MYO10: variants seen among roughly 807,000 people sequenced by gnomAD.
MYO10 encodes the protein unconventional myosin-X.
A neutral mutation model predicts 257.3 loss-of-function variants in MYO10; 133 were observed. The ratio of observed to expected loss-of-function variants is 0.52; its 90% CI spans 0.45 to 0.60. MYO10 has a LOEUF of 0.60. Ranked by LOEUF, MYO10 falls within the 20% of genes least tolerant of loss-of-function variation. MYO10 has a pLI of 0.00. For missense variants in MYO10, 2,399 were observed against 2,635.7 expected (o/e 0.91, Z 1.97); for synonymous variants, 1,104 against 1,028.6 (o/e 1.07, Z -1.40).
At chr5:16,849,721 T>C (rs923631491) in intron 2 of MYO10, among the ~76,000 whole-genome samples, 3 of 152,226 alleles carry the variant, frequency 2.0e-5, no homozygotes, top group Admixed American at 1.3e-4. Context: ...TTTCAGGAGA[T>C]ACTTGTTCGC....
In MYO10 at chr5:16,666,596, C is replaced by T. The variant is rs997369812; in HGVS notation, c.*96G>A. The T allele has an allele frequency of 9.7e-7, 1 of 1,026,596 alleles. No homozygotes were observed. Among genetic ancestry groups the T allele is most frequent in the Non-Finnish European group, 1.4e-6 (1 of 710,802 alleles). The allele number at this position is 1,026,596 out of a possible 1,614,324, so 63.6% of individuals were successfully genotyped here. Reference sequence around the variant, plus strand: ...AAGCTTCCAGAAAGCCTGGGCAGCTCTGTGTTTGTTTTGGCTGGGCATGGC... The same window carrying T: ...AAGCTTCCAGAAAGCCTGGGCAGCTTTGTGTTTGTTTTGGCTGGGCATGGC... On this transcript the variant is annotated 3_prime_UTR_variant, in exon 41 of 41. Coordinates refer to ENST00000513610, the MANE Select transcript of MYO10 (RefSeq NM_012334.3).
At chr5:16,931,839 G>T (rs908388873) in intron 1 of MYO10, among the ~76,000 whole-genome samples, 29 of 152,154 alleles carry the variant, frequency 1.9e-4, no homozygotes, top group Admixed American at 5.9e-4. Flanking sequence ...CATATCGAGG[G>T]TGAGGAGAGA....
chr5:16,783,045 G>A (rs551202056), intron 5 of MYO10, among the ~76,000 whole-genome samples: 39 of 152,128 alleles, frequency 2.6e-4, no homozygotes, highest in African/African-American at 9.4e-4. Flanking sequence ...TGATGCAGGT[G>A]CTTCAAAAAC....
chr5:16,753,837 G>A (rs1269567125), intron 19 of MYO10, among the ~76,000 whole-genome samples: 1 of 152,114 alleles, frequency 6.6e-6, no homozygotes, highest in Non-Finnish European at 1.5e-5. Context: ...TTAAGCCAAA[G>A]GCAACTGGTT....
chr5:16,866,363 C>T (rs34875944), intron 2 of MYO10, among the ~76,000 whole-genome samples: 24,989 of 152,090 alleles, frequency 0.16, 2,254 homozygotes, highest in African/African-American at 0.22. Flanking sequence ...AGAAGAGTCA[C>T]CAGAAAAATC....
At chr5:16,715,113 A>ATT (rs1222008294) in intron 19 of MYO10, among the ~76,000 whole-genome samples, 4 of 142,332 alleles carry the variant, frequency 2.8e-5, no homozygotes, top group Non-Finnish European at 3.0e-5. Flanking sequence ...TTAAAAAAAA[A>ATT]TTTTTTAAAA....
chr5:16,728,149 G>A (rs1292230129), intron 19 of MYO10, among the ~76,000 whole-genome samples: 1 of 152,134 alleles, frequency 6.6e-6, no homozygotes, highest in Non-Finnish European at 1.5e-5. Flanking sequence ...TCTGGTTTCT[G>A]CCTCCTGGCT....
Position 16,670,611 on chromosome 5 carries a change from C to T in MYO10, c.5798G>A (p.Gly1933Glu), listed in dbSNP as rs1736403493. The change falls in exon 39 of 41, where the codon GGA (glycine) becomes GAA (glutamate). Residue 1933 changes from glycine to glutamate, a missense_variant. Gly to Glu is a moderately conservative substitution (Grantham distance 98). Around this residue, in one of 3 missense-constraint regions of MYO10, gnomAD observed 1,820 missense variants for 1,939.4 expected, o/e 0.94. Transcript: ENST00000513610. The stretch of plus-strand genomic sequence containing the variant: ...GGCCATGGCCTGTTCCTGGTTCATT[C>T]CCTGAAATTTCCTCCACTTGTCAAT... ...SIIDKWRKFQGMNQEQAMAKY... is the reference protein window; with the variant it reads ...SIIDKWRKFQEMNQEQAMAKY... The T allele has an allele frequency of 6.2e-7, 1 of 1,613,884 alleles. No homozygotes were observed.
In MYO10 at chr5:16,666,527, G is replaced by C. The variant is rs559739801; in HGVS notation, c.*165C>G. On this transcript the variant is annotated 3_prime_UTR_variant, in exon 41 of 41. Transcript: ENST00000513610. ...GACAGCTTAATACAGGATCAATGAAGGCGGCAGGCAAAAGGATCCTCGGAG... is the reference window on the plus strand; with the variant it reads ...GACAGCTTAATACAGGATCAATGAACGCGGCAGGCAAAAGGATCCTCGGAG... The C allele has an allele frequency of 3.9e-5, 23 of 592,942 alleles. No individual in the cohort carries two copies. Among genetic ancestry groups the C allele is most frequent in the Non-Finnish European group, 6.9e-5 (23 of 335,566 alleles). 36.7% of individuals were successfully genotyped at this position (592,942 alleles called of 1,614,324 possible). A position where few individuals can be genotyped will look rare whatever the true frequency, so the allele number is the denominator to read the frequency against.
chr5:16,781,613 T>G, intron 6 of MYO10, 92 bp downstream of exon 6: 1 of 1,288,072 alleles, frequency 7.8e-7, no homozygotes, highest in Non-Finnish European at 1.1e-6. Flanking sequence ...GAAAGAAATG[T>G]TTCACATTCT....
intron 2 of MYO10, among the ~76,000 whole-genome samples, chr5:16,843,432 G>A (rs999162542): frequency 1.5e-5 from 2 of 134,720 alleles, no homozygotes; most frequent in African/African-American, 3.1e-5. Context: ...CTCTGGCAAG[G>A]TGATATTCTT....
intron 19 of MYO10, among the ~76,000 whole-genome samples, chr5:16,725,569 A>C (rs1211807341): frequency 6.6e-6 from 1 of 152,210 alleles, no homozygotes; most frequent in Non-Finnish European, 1.5e-5. Context: ...TGTGATATAC[A>C]TTTTTAAAAA....
intron 1 of MYO10, among the ~76,000 whole-genome samples, chr5:16,881,127 G>A (rs1196900294): frequency 6.6e-6 from 1 of 152,188 alleles, no homozygotes; most frequent in African/African-American, 2.4e-5. Flanking sequence ...AAAGCTTTCT[G>A]TGTATTGTGA....
intron 2 of MYO10, among the ~76,000 whole-genome samples, chr5:16,834,470 G>C (rs1400328494): frequency 6.6e-6 from 1 of 152,094 alleles, no homozygotes; most frequent in Non-Finnish European, 1.5e-5. Flanking sequence ...CAATCTGTGG[G>C]GACCAGGACT....
intron 1 of MYO10, among the ~76,000 whole-genome samples, chr5:16,898,995 C>T (rs905300875): frequency 2.8e-5 from 4 of 144,900 alleles, no homozygotes; most frequent in East Asian, 2.2e-4. Flanking sequence ...ATTAGCTGGG[C>T]ATGGCGGTGG....
chr5:16,820,766 T>C (rs954771721), intron 2 of MYO10, among the ~76,000 whole-genome samples: 6 of 151,972 alleles, frequency 3.9e-5, no homozygotes, highest in African/African-American at 1.4e-4. Context: ...GAAATAATCA[T>C]ACATAATACT....
chr5:16,787,436 G>A (rs1384441207), intron 4 of MYO10, among the ~76,000 whole-genome samples: 1 of 152,056 alleles, frequency 6.6e-6, no homozygotes, highest in Non-Finnish European at 1.5e-5. Flanking sequence ...GTACATTTCT[G>A]TCTAACCCGT....
At chr5:16,804,918 A>G (rs1742227197) in intron 3 of MYO10, among the ~76,000 whole-genome samples, 1 of 152,114 alleles carries the variant, frequency 6.6e-6, no homozygotes, top group Non-Finnish European at 1.5e-5. Context: ...CTCAAAAAAA[A>G]TTATTTGAAA....
chr5:16,681,654 G>A (rs917563324), intron 31 of MYO10, among the ~76,000 whole-genome samples, 151 bp from the exon 32 acceptor site: 3 of 152,070 alleles, frequency 2.0e-5, no homozygotes, highest in Non-Finnish European at 4.4e-5. Flanking sequence ...TAAATGGAAC[G>A]ACTACATGAA....
Sources: gnomAD v4.1 joint callset for allele counts (sites outside exome capture counted in the v4.1 genomes callset) on GRCh38, gnomAD v4.1.1 for gene constraint, gnomAD v4.1.1 regional missense constraint, MANE v1.5 for transcripts, NCBI Gene and HGNC (gene_info 2026-07-23, HGNC 2026-07-21) for gene names.